Variants in CAMTA1 observed in about 807,000 individuals in gnomAD.
CAMTA1 encodes the protein calmodulin-binding transcription activator 1.
A neutral mutation model predicts 170.9 loss-of-function variants in CAMTA1; 27 were observed. The observed-to-expected ratio is 0.16, with a 90% confidence interval of 0.12 to 0.22. The LOEUF (loss-of-function observed/expected upper bound fraction) is 0.22, where lower values mean the gene tolerates loss of function less well. Among genes scored for constraint, CAMTA1 ranks in the 10% least tolerant of loss-of-function variants. The pLI is 1.00. For synonymous variants in CAMTA1, 833 were observed against 891.5 expected (o/e 0.93, Z 1.17); for missense variants, 1,619 against 2,217.2 (o/e 0.73, Z 5.42).
intron 5 of CAMTA1, among the ~76,000 whole-genome samples, chr1:7,258,456 A>C (rs2149344805): frequency 6.6e-6 from 1 of 152,282 alleles, no homozygotes. Flanking sequence ...ATTCAGTTAC[A>C]ATGTAAACCC....
chr1:7,114,672 G>A (rs1267411161), intron 4 of CAMTA1, among the ~76,000 whole-genome samples: 1 of 152,176 alleles, frequency 6.6e-6, no homozygotes, highest in Non-Finnish European at 1.5e-5. Context: ...GGAGACCCAG[G>A]AGAGCTGATG....
At chr1:7,621,753 G>C (rs911119178) in intron 6 of CAMTA1, among the ~76,000 whole-genome samples, 1 of 152,202 alleles carries the variant, frequency 6.6e-6, no homozygotes, top group Non-Finnish European at 1.5e-5. Flanking sequence ...GGAGACGTCT[G>C]TGCAATCCCG....
Position 7,544,805 on chromosome 1 carries a change from C to T in CAMTA1, c.510+76904C>T, listed in dbSNP as rs116489420. ...AGAGCCAGCCTGTGCCAAGATAACACGTGGCAAGAGAGGAAGCAAGAGAGA... is the reference window on the plus strand; with the variant it reads ...AGAGCCAGCCTGTGCCAAGATAACATGTGGCAAGAGAGGAAGCAAGAGAGA... On this transcript the variant is annotated intron_variant, in intron 6 of 22. Coordinates refer to ENST00000303635, the MANE Select transcript of CAMTA1 (RefSeq NM_015215.4). Among the ~76,000 whole-genome samples the T allele has an allele frequency of 7.1e-3, 1,076 of 152,210 alleles. 15 individuals are homozygous for T. Among genetic ancestry groups the T allele is most frequent in the African/African-American group, 0.024 (1,007 of 41,524 alleles).
At chr1:7,164,851 A>G (rs1648045551) in intron 4 of CAMTA1, among the ~76,000 whole-genome samples, 1 of 152,230 alleles carries the variant, frequency 6.6e-6, no homozygotes, top group Admixed American at 6.5e-5. Flanking sequence ...AATGATGCAG[A>G]CAAATATTTA....
rs575561497 is a variant in CAMTA1 at position 7,711,013 on chromosome 1, C to T, written c.2915-21435C>T. Among the ~76,000 whole-genome samples, 138 of 152,266 alleles carry T rather than the reference C, an allele frequency of 9.1e-4. 1 individual carries two copies. Among genetic ancestry groups the T allele is most frequent in the African/African-American group, 2.9e-3 (119 of 41,554 alleles). On this transcript the variant is annotated intron_variant, in intron 11 of 22. Transcript: ENST00000303635. ...GAATTGGGCTCTGCGCCACCTAAACCGGGTGCAGTTCCTTAGTTCAGGCTG... is the reference window on the plus strand; with the variant it reads ...GAATTGGGCTCTGCGCCACCTAAACTGGGTGCAGTTCCTTAGTTCAGGCTG...
At chr1:7,043,241 C>T (rs1704770414) in intron 3 of CAMTA1, among the ~76,000 whole-genome samples, 1 of 152,234 alleles carries the variant, frequency 6.6e-6, no homozygotes, top group Non-Finnish European at 1.5e-5. Context: ...CTTTCCCCCA[C>T]CCTACGCTCA....
chr1:7,320,649 G>GTTT (rs55683398), intron 5 of CAMTA1, among the ~76,000 whole-genome samples: 120 of 80,232 alleles, frequency 1.5e-3, no homozygotes, highest in Non-Finnish European at 1.9e-3. Context: ...TGCTGTGTGT[G>GTTT]TTTTTTTTTT....
intron 11 of CAMTA1, among the ~76,000 whole-genome samples, chr1:7,709,612 C>G (rs1245381957): frequency 1.3e-5 from 2 of 152,208 alleles, no homozygotes; most frequent in Middle Eastern, 3.2e-3. Context: ...GGCCTGACAC[C>G]TGAATCATTT....
chr1:6,795,992 A>G (rs1270872722), intron 1 of CAMTA1, among the ~76,000 whole-genome samples: 1 of 152,202 alleles, frequency 6.6e-6, no homozygotes, highest in Non-Finnish European at 1.5e-5. Context: ...GGCTAAACAG[A>G]TTGAAACCTA....
At position 6,882,204 on chromosome 1, in the gene CAMTA1, G is replaced by C. The variant is rs139341770; in HGVS notation, c.234+56994G>C. ...TTCAGTGTCCAGTTCCAGTTCTATT[G>C]AAACAGAGCCACACTCTTGTGTGTA... On this transcript the variant is annotated intron_variant, in intron 3 of 22. Transcript: ENST00000303635. 2.6e-5 allele frequency among the ~76,000 whole-genome samples: 4 copies of C among 152,264 alleles called. No individual in the cohort carries two copies. In the East Asian group the frequency reaches 7.7e-4, roughly 29 times the overall value.
Position 7,476,668 on chromosome 1 carries a change from C to T in CAMTA1, c.510+8767C>T, listed in dbSNP as rs149079632. ...ATCTGGAGGGGAGCATGGGGAAGGGCCTGGAATCCTCCTGACTCTCTGCTG... is the reference window on the plus strand; with the variant it reads ...ATCTGGAGGGGAGCATGGGGAAGGGTCTGGAATCCTCCTGACTCTCTGCTG... On this transcript the variant is annotated intron_variant, in intron 6 of 22. Coordinates refer to ENST00000303635, the MANE Select transcript of CAMTA1 (RefSeq NM_015215.4). Among the ~76,000 whole-genome samples the T allele has an allele frequency of 7.2e-3, 1,092 of 152,212 alleles. 7 individuals are homozygous for T. Among genetic ancestry groups the T allele is most frequent in the Non-Finnish European group, 0.012 (793 of 68,004 alleles).
intron 9 of CAMTA1, 34 bp from the exon 10 acceptor site, chr1:7,670,877 A>C: frequency 6.2e-7 from 1 of 1,608,614 alleles, no homozygotes; most frequent in Non-Finnish European, 8.5e-7. Flanking sequence ...AGTGGCTCAC[A>C]CTCCAACTCT....
chr1:7,252,869 T>G (rs1666836417), intron 5 of CAMTA1, among the ~76,000 whole-genome samples: 1 of 152,200 alleles, frequency 6.6e-6, no homozygotes, highest in Admixed American at 6.5e-5. Context: ...CAGCCCTGTT[T>G]ATGGAACTGT....
At chr1:7,442,692 A>G (rs565640047) in intron 5 of CAMTA1, among the ~76,000 whole-genome samples, 5 of 152,242 alleles carry the variant, frequency 3.3e-5, no homozygotes, top group African/African-American at 9.6e-5. Flanking sequence ...CCATTCCCTC[A>G]CTGGCAAAAT....
intron 3 of CAMTA1, among the ~76,000 whole-genome samples, chr1:6,882,006 A>G (rs1288792779): frequency 6.6e-6 from 1 of 152,160 alleles, no homozygotes. Flanking sequence ...AATCACTCTG[A>G]ATGTAGTGCA....
intron 5 of CAMTA1, among the ~76,000 whole-genome samples, chr1:7,352,861 G>A (rs1171135084): frequency 2.6e-5 from 4 of 152,200 alleles, no homozygotes; most frequent in Admixed American, 6.5e-5. Flanking sequence ...CAGGGAGCTG[G>A]GATGAAAGCT....
chr1:7,645,722 G>T (rs2095798459), intron 7 of CAMTA1, among the ~76,000 whole-genome samples: 1 of 152,274 alleles, frequency 6.6e-6, no homozygotes, highest in Non-Finnish European at 1.5e-5. Flanking sequence ...GAGTACTCAG[G>T]CCTCTGGGGC....
At chr1:7,492,942 C>T (rs997980761) in intron 6 of CAMTA1, among the ~76,000 whole-genome samples, 1 of 104,444 alleles carries the variant, frequency 9.6e-6, no homozygotes, top group African/African-American at 3.6e-5. Flanking sequence ...CACGCACGCA[C>T]ACATAAACAC....
chr1:7,434,877 C>CA (rs779722434), intron 5 of CAMTA1, among the ~76,000 whole-genome samples: 6,850 of 83,356 alleles, frequency 0.082, 220 homozygotes, highest in Middle Eastern at 0.12. Flanking sequence ...CCTGTCTCTA[C>CA]AAAAAAAAAA....
Sources: allele counts gnomAD v4.1 joint callset (sites outside exome capture counted in the v4.1 genomes callset), GRCh38; gene constraint gnomAD v4.1.1; transcripts MANE v1.5; gene names NCBI Gene and HGNC (gene_info 2026-07-23, HGNC 2026-07-21).